SLC17A1: variants seen among roughly 807,000 people sequenced by gnomAD.
SLC17A1 encodes the protein solute carrier family 17 member 1.
SLC17A1 carries 51 observed loss-of-function variants against 53.5 expected under a neutral mutation model. The observed-to-expected ratio is 0.95, with a 90% CI of 0.76 to 1.20. The LOEUF is 1.20. SLC17A1 is among the 50% of genes most tolerant of loss of function. SLC17A1 has a pLI of 0.00. For missense variants in SLC17A1, 538 were observed against 568.2 expected, an observed-to-expected ratio of 0.95 and a Z score of 0.54; for synonymous variants, 179 against 198.8, an observed-to-expected ratio of 0.90 and a Z score of 0.84.
intron 3 of SLC17A1, among the ~76,000 whole-genome samples, chr6:25,821,804 C>T (rs1315033647): frequency 6.6e-6 from 1 of 152,000 alleles, no homozygotes; most frequent in Non-Finnish European, 1.5e-5. Flanking sequence ...CAAAGTACTC[C>T]ACATATAAAT....
At chr6:25,724,512 T>A in the SLC17A1 span, among the ~76,000 whole-genome samples, 22 of 152,392 alleles carry the variant, frequency 1.4e-4, no homozygotes, top group Admixed American at 7.2e-4. Context: ...CACAATTTTT[T>A]AATATATTTT....
At chr6:25,787,611 CT>C (rs1441866519) in intron 12 of SLC17A1, among the ~76,000 whole-genome samples, 1 of 152,208 alleles carries the variant, frequency 6.6e-6, no homozygotes, top group African/African-American at 2.4e-5. Flanking sequence ...TCACGTAGAC[CT>C]TGTCAAAAGA....
intron 10 of SLC17A1, among the ~76,000 whole-genome samples, chr6:25,803,845 A>G (rs1328646774): frequency 1.3e-5 from 2 of 152,050 alleles, no homozygotes; most frequent in Non-Finnish European, 2.9e-5. Flanking sequence ...ACCTACATTA[A>G]CTTATTCAAT....
the SLC17A1 span, chr6:25,726,553 C>G: frequency 4.4e-6 from 7 of 1,589,320 alleles, no homozygotes; most frequent in Admixed American, 1.7e-5. Context: ...TGCAGCAACA[C>G]GAGAACCACA....
chr6:25,726,318 C>A, the SLC17A1 span: 1 of 1,614,098 alleles, frequency 6.2e-7, no homozygotes, highest in Non-Finnish European at 8.5e-7. Flanking sequence ...TATCGCGAGA[C>A]GCATTGCCTG....
intron 12 of SLC17A1, among the ~76,000 whole-genome samples, chr6:25,785,078 C>A (rs1194548493): frequency 2.6e-5 from 4 of 152,016 alleles, no homozygotes; most frequent in Non-Finnish European, 5.9e-5. Flanking sequence ...GATCAATATA[C>A]AAAAGTCAAT....
chr6:25,773,990 C>G, the SLC17A1 span, among the ~76,000 whole-genome samples: 2 of 151,950 alleles, frequency 1.3e-5, no homozygotes, highest in African/African-American at 4.8e-5. Context: ...TATACTCAAT[C>G]CCATCAAAAT....
At chr6:25,797,610 G>GT (rs199543659) in intron 12 of SLC17A1, among the ~76,000 whole-genome samples, 4,691 of 144,480 alleles carry the variant, frequency 0.032, 84 homozygotes, top group Middle Eastern at 0.076. Context: ...TTCTACCCCA[G>GT]TTTTTTTTTT....
chr6:25,819,875 A>G lies in SLC17A1; in HGVS notation c.248T>C (p.Ile83Thr). ...YNWSPDIQGI[I>T]LSSTSYGVII... ...GACACCATAGGAGGTGGAACTCAAG[A>G]TGATTCCCTGGATATCTGGGCTCCA... Residue 83 changes from isoleucine to threonine, a missense_variant, in exon 4 of 13, where the codon ATC becomes ACC. By Grantham distance (89) the Ile-to-Thr change is moderately conservative. Coordinates refer to ENST00000244527, the MANE Select transcript of SLC17A1 (RefSeq NM_005074.5). 6.2e-7 allele frequency: 1 copy of G among 1,613,680 alleles called. No individual in the cohort carries two copies. Among genetic ancestry groups the G allele is most frequent in the Admixed American group, 1.7e-5 (1 of 59,984 alleles).
At chr6:25,725,462 A>G in the SLC17A1 span, among the ~76,000 whole-genome samples, 4 of 152,362 alleles carry the variant, frequency 2.6e-5, no homozygotes, top group South Asian at 2.1e-4. Context: ...TGAAACTACC[A>G]TATTTGAAAG....
At chr6:25,766,795 C>T in the SLC17A1 span, among the ~76,000 whole-genome samples, 5 of 152,196 alleles carry the variant, frequency 3.3e-5, no homozygotes, top group African/African-American at 1.2e-4. Flanking sequence ...ACATTTTAGA[C>T]TACAAAGTAT....
the SLC17A1 span, among the ~76,000 whole-genome samples, chr6:25,743,614 T>A: frequency 6.6e-6 from 1 of 152,158 alleles, no homozygotes; most frequent in East Asian, 1.9e-4. Flanking sequence ...GAAATTCAAT[T>A]AAGTAGTTTA....
chr6:25,776,732 G>A, the SLC17A1 span: 1 of 1,613,952 alleles, frequency 6.2e-7, no homozygotes. Context: ...CCATTGGTAA[G>A]GGAGAGACTG....
rs778554210 is a variant in SLC17A1, at chr6:25,793,054, C to T, written c.*2+5729G>A. On this transcript the variant is annotated intron_variant, in intron 12 of 12. Transcript: ENST00000244527. ...TAGACAGAATTGGATGCAAACCAAG[C>T]TTTTGCCATGACCTGGAAGCACTAC... 4.5e-4 allele frequency among the ~76,000 whole-genome samples: 69 copies of T among 152,206 alleles called. 1 individual carries two copies. Among genetic ancestry groups the T allele is most frequent in the South Asian group, 4.1e-4 (2 of 4,832 alleles).
chr6:25,831,111 C>CACAAAAAAGT (rs1764930512), intron 1 of SLC17A1, among the ~76,000 whole-genome samples: 1 of 152,172 alleles, frequency 6.6e-6, no homozygotes, highest in Admixed American at 6.5e-5. Context: ...TCAACTCAAG[C>CACAAAAAAGT]AGAGGCTAAT....
chr6:25,802,998 G>A (rs1763833278), intron 10 of SLC17A1, among the ~76,000 whole-genome samples: 1 of 121,624 alleles, frequency 8.2e-6, no homozygotes, highest in Non-Finnish European at 1.6e-5. Context: ...CCAGGCTGGA[G>A]TGCAGTGGCC....
At chr6:25,750,308 A>G in the SLC17A1 span, among the ~76,000 whole-genome samples, 1 of 152,200 alleles carries the variant, frequency 6.6e-6, no homozygotes, top group Non-Finnish European at 1.5e-5. Flanking sequence ...GGCATAGTTA[A>G]TGTAAATCAT....
intron 2 of SLC17A1, among the ~76,000 whole-genome samples, chr6:25,828,826 A>T (rs1185977): frequency 6.6e-6 from 1 of 151,846 alleles, no homozygotes; most frequent in South Asian, 2.1e-4. Flanking sequence ...TAAATAAATT[A>T]TAATATATCC....
At chr6:25,824,646 A>G (rs1382456208) in intron 3 of SLC17A1, among the ~76,000 whole-genome samples, 4 of 151,888 alleles carry the variant, frequency 2.6e-5, no homozygotes, top group Non-Finnish European at 5.9e-5. Context: ...ATTATTACAA[A>G]TGTATATTAT....
Sources: allele counts gnomAD v4.1 joint callset (sites outside exome capture counted in the v4.1 genomes callset), GRCh38; gene constraint gnomAD v4.1.1; transcripts MANE v1.5; gene names NCBI Gene and HGNC (gene_info 2026-07-23, HGNC 2026-07-21).